CTNNA3: variants seen among roughly 807,000 people sequenced by gnomAD.
CTNNA3 encodes catenin alpha-3.
In CTNNA3, 76 loss-of-function variants were observed where a neutral mutation model predicts 95.7. The ratio of observed to expected loss-of-function variants is 0.79; its 90% CI spans 0.66 to 0.96. The LOEUF (loss-of-function observed/expected upper bound fraction) is 0.96. Ranked by LOEUF, CTNNA3 falls within the 40% of genes least tolerant of loss-of-function variation. The probability of loss-of-function intolerance (pLI) is 0.00; values close to 1 mark genes in which losing one functional copy is unlikely to be tolerated. For missense variants in CTNNA3, 1,191 were observed against 1,089.8 expected, an observed-to-expected ratio of 1.09 and a Z score of -1.31; for synonymous variants, 431 against 374.4, an observed-to-expected ratio of 1.15 and a Z score of -1.74.
intron 7 of CTNNA3, among the ~76,000 whole-genome samples, chr10:66,793,132 GT>G (rs902575360): frequency 6.6e-6 from 1 of 151,878 alleles, no homozygotes; most frequent in Non-Finnish European, 1.5e-5. Context: ...GGGGGAGTAG[GT>G]TTTTGTTTCA....
intron 5 of CTNNA3, among the ~76,000 whole-genome samples, chr10:67,261,912 T>C (rs557305039): frequency 6.6e-6 from 1 of 152,276 alleles, no homozygotes; most frequent in African/African-American, 2.4e-5. Flanking sequence ...GCTATACAAA[T>C]AAGTTGGATA....
intron 7 of CTNNA3, among the ~76,000 whole-genome samples, chr10:67,143,097 AAAC>A (rs920011714): frequency 2.6e-5 from 4 of 151,920 alleles, no homozygotes; most frequent in East Asian, 3.9e-4. Context: ...TTTGAAAATG[AAAC>A]AACAATGGAG....
At chr10:66,974,800 ATTTG>A (rs1849935831) in intron 7 of CTNNA3, among the ~76,000 whole-genome samples, 1 of 147,486 alleles carries the variant, frequency 6.8e-6, no homozygotes, top group African/African-American at 2.5e-5. Flanking sequence ...CTTACCAACC[ATTTG>A]TTTTTTTTTT....
intron 14 of CTNNA3, among the ~76,000 whole-genome samples, chr10:66,089,713 G>C (rs1217277709): frequency 6.6e-6 from 1 of 151,234 alleles, no homozygotes; most frequent in Non-Finnish European, 1.5e-5. Flanking sequence ...ATATTACAAG[G>C]TAGGTATTCT....
intron 7 of CTNNA3, among the ~76,000 whole-genome samples, chr10:66,904,628 G>A (rs1386316699): frequency 1.3e-5 from 2 of 151,850 alleles, no homozygotes; most frequent in Admixed American, 1.3e-4. Context: ...TCTGACAAAG[G>A]GCTTATATCC....
chr10:67,011,934 A>G lies in CTNNA3; in HGVS notation c.1047+168383T>C, dbSNP rs1001347811. On this transcript the variant is annotated intron_variant, in intron 7 of 17. Coordinates refer to ENST00000433211, the MANE Select transcript of CTNNA3 (RefSeq NM_013266.4). Reference sequence around the variant, plus strand: ...CACCTGCCCTTGAAACCCACTATGGAGCCCCAGGAGTACCCATCCATGGTT... The same window carrying G: ...CACCTGCCCTTGAAACCCACTATGGGGCCCCAGGAGTACCCATCCATGGTT... Among the ~76,000 whole-genome samples, 4 of 152,214 alleles carry G rather than the reference A, an allele frequency of 2.6e-5. No individual in the cohort carries two copies. In the East Asian group the frequency reaches 7.7e-4, roughly 29 times the overall value.
At chr10:66,420,903 C>T (rs1352272304) in intron 11 of CTNNA3, among the ~76,000 whole-genome samples, 3 of 152,070 alleles carry the variant, frequency 2.0e-5, no homozygotes, top group East Asian at 1.9e-4. Flanking sequence ...CCAGCAATCT[C>T]ACTGCTGGGT....
intron 13 of CTNNA3, among the ~76,000 whole-genome samples, chr10:66,170,599 G>T (rs918132914): frequency 2.0e-5 from 3 of 151,744 alleles, no homozygotes; most frequent in African/African-American, 4.8e-5. Context: ...AATAGGCAAA[G>T]AAATGAATAT....
chr10:66,491,009 T>C (rs1207089332), intron 11 of CTNNA3, among the ~76,000 whole-genome samples: 4 of 152,236 alleles, frequency 2.6e-5, no homozygotes, highest in East Asian at 1.9e-4. Flanking sequence ...CCAAATCTTA[T>C]GTTACTGATA....
At chr10:67,313,442 A>AT (rs1243519933) in intron 5 of CTNNA3, among the ~76,000 whole-genome samples, 8 of 151,180 alleles carry the variant, frequency 5.3e-5, no homozygotes, top group East Asian at 3.9e-4. Flanking sequence ...AAAAAAAAAA[A>AT]AAATAATAAT....
At chr10:66,536,132 G>A (rs1311642295) in intron 10 of CTNNA3, among the ~76,000 whole-genome samples, 1 of 108,544 alleles carries the variant, frequency 9.2e-6, no homozygotes, top group Non-Finnish European at 2.1e-5. Context: ...GAGGTGAAAC[G>A]ACATGAGAGA....
chr10:66,844,481 G>T (rs1383775453), intron 7 of CTNNA3, among the ~76,000 whole-genome samples: 1 of 152,092 alleles, frequency 6.6e-6, no homozygotes, highest in Non-Finnish European at 1.5e-5. Context: ...GACCTTGCTT[G>T]CAAATTACTG....
chr10:67,088,861 T>C (rs961486897), intron 7 of CTNNA3, among the ~76,000 whole-genome samples: 5 of 152,018 alleles, frequency 3.3e-5, no homozygotes, highest in Non-Finnish European at 5.9e-5. Flanking sequence ...TCCATATCCA[T>C]AGGTTCTACA....
intron 7 of CTNNA3, among the ~76,000 whole-genome samples, chr10:67,152,099 A>G (rs1271041264): frequency 1.3e-5 from 2 of 152,176 alleles, no homozygotes; most frequent in Non-Finnish European, 2.9e-5. Context: ...GAACCTTTTG[A>G]AAAGTGAAAT....
At chr10:67,517,825 A>G (rs1839869245) in intron 5 of CTNNA3, among the ~76,000 whole-genome samples, 1 of 152,148 alleles carries the variant, frequency 6.6e-6, no homozygotes. Flanking sequence ...TGTATGTCCA[A>G]AAACATTCTA....
intron 7 of CTNNA3, among the ~76,000 whole-genome samples, chr10:67,093,903 CG>C (rs1391698022): frequency 6.6e-6 from 1 of 151,860 alleles, no homozygotes; most frequent in Admixed American, 6.6e-5. Context: ...TTGAAAGGGA[CG>C]GATAATCTCT....
chr10:67,199,601 C>G (rs1863546639), intron 6 of CTNNA3, among the ~76,000 whole-genome samples: 1 of 152,052 alleles, frequency 6.6e-6, no homozygotes, highest in Admixed American at 6.6e-5. Context: ...AATCTCCTGA[C>G]CTCATATTCC....
At chr10:66,395,194 C>A (rs2092966193) in intron 11 of CTNNA3, among the ~76,000 whole-genome samples, 1 of 151,980 alleles carries the variant, frequency 6.6e-6, no homozygotes, top group Non-Finnish European at 1.5e-5. Flanking sequence ...AAGTCAAGTA[C>A]AGCATTCTTT....
intron 7 of CTNNA3, among the ~76,000 whole-genome samples, chr10:67,175,146 G>C (rs1482272433): frequency 6.7e-6 from 1 of 148,260 alleles, no homozygotes; most frequent in Admixed American, 6.7e-5. Context: ...GAGGGAGGGA[G>C]GGAGGGAGGG....
Sources: allele counts gnomAD v4.1 joint callset (sites outside exome capture counted in the v4.1 genomes callset), GRCh38; gene constraint gnomAD v4.1.1; transcripts MANE v1.5; gene names NCBI Gene and HGNC (gene_info 2026-07-23, HGNC 2026-07-21).